CALCRL: variants seen among roughly 807,000 people sequenced by gnomAD.
The protein encoded by CALCRL is calcitonin receptor like receptor.
CALCRL carries 27 observed loss-of-function variants against 60.4 expected under a neutral mutation model. The ratio of observed to expected loss-of-function variants is 0.45; its 90% CI spans 0.33 to 0.62. The LOEUF is 0.62. Among genes scored for constraint, CALCRL ranks in the 20% least tolerant of loss-of-function variants. The pLI is 0.03. For synonymous variants in CALCRL, 190 were observed against 182.6 expected (o/e 1.04, Z -0.33); for missense variants, 424 against 540.7 (o/e 0.78, Z 2.14).
chr2:187,379,091 C>T, intron 7 of CALCRL, 60 bp from the exon 8 acceptor site: 1 of 791,084 alleles, frequency 1.3e-6, no homozygotes. Flanking sequence ...ATCTGTAATC[C>T]CACACATGCA....
intron 1 of CALCRL, among the ~76,000 whole-genome samples, chr2:187,439,349 C>T (rs1289160345): frequency 6.6e-6 from 1 of 151,652 alleles, no homozygotes; most frequent in Admixed American, 6.6e-5. Context: ...TGGGTGTGGT[C>T]ACGCTGAGGT....
intron 1 of CALCRL, among the ~76,000 whole-genome samples, chr2:187,396,198 GA>G (rs1688647127): frequency 2.0e-5 from 3 of 151,144 alleles, no homozygotes; most frequent in Admixed American, 2.0e-4. Flanking sequence ...AATAAATAAA[GA>G]AAAAAATCAC....
chr2:187,425,961 G>A (rs972022387), intron 1 of CALCRL, among the ~76,000 whole-genome samples: 3 of 151,708 alleles, frequency 2.0e-5, no homozygotes, highest in South Asian at 4.2e-4. Flanking sequence ...TCTTCACAGC[G>A]GTTGGAAATG....
chr2:187,444,748 A>G (rs957527763), intron 1 of CALCRL, among the ~76,000 whole-genome samples: 2 of 151,544 alleles, frequency 1.3e-5, no homozygotes, highest in Non-Finnish European at 3.0e-5. Flanking sequence ...GTCCTTAAAA[A>G]TTGAATACAT....
chr2:187,423,295 G>T (rs1277783332), intron 1 of CALCRL, among the ~76,000 whole-genome samples: 3 of 150,722 alleles, frequency 2.0e-5, no homozygotes, highest in Admixed American at 6.6e-5. Context: ...CATTTTCATT[G>T]CATAAATTTT....
chr2:187,417,797 G>A (rs1689681630), intron 1 of CALCRL, among the ~76,000 whole-genome samples: 1 of 151,978 alleles, frequency 6.6e-6, no homozygotes, highest in Non-Finnish European at 1.5e-5. Flanking sequence ...TTTAAATTTA[G>A]ATTTTGTGAT....
At position 187,346,236 on chromosome 2, in the gene CALCRL, CT is replaced by C; in HGVS notation, c.1333del (p.Ser445AlafsTer10). 6.2e-7 allele frequency: 1 copy of C among 1,611,598 alleles called. No individual in the cohort carries two copies. On this transcript the variant is annotated frameshift_variant, in exon 15 of 15. Transcript: ENST00000392370. LOFTEE classifies it high-confidence loss of function. Reference protein sequence around the residue: ...DCPSEHLNGKSIHDIENVLLK... With the variant: ...DCPSEHLNGKXIHDIENVLLK... ...GAGAACATTTTCAATATCATGGATGCTTTTTCCATTTAAGTGTTCACTAGGA... is the reference window on the plus strand; with the variant it reads ...GAGAACATTTTCAATATCATGGATGCTTTTCCATTTAAGTGTTCACTAGGA...
chr2:187,375,557 A>C (rs1341123084), intron 8 of CALCRL, among the ~76,000 whole-genome samples: 1 of 152,192 alleles, frequency 6.6e-6, no homozygotes, highest in African/African-American at 2.4e-5. Flanking sequence ...GTTTAAAAGC[A>C]TGGGCATTTT....
At chr2:187,350,419 T>C (rs967139435) in intron 14 of CALCRL, among the ~76,000 whole-genome samples, 4 of 149,784 alleles carry the variant, frequency 2.7e-5, no homozygotes, top group Non-Finnish European at 6.0e-5. Context: ...ATCTATTTTT[T>C]GTAACTGCAT....
intron 1 of CALCRL, among the ~76,000 whole-genome samples, chr2:187,417,954 C>T (rs1689689802): frequency 6.6e-6 from 1 of 152,142 alleles, no homozygotes; most frequent in Admixed American, 6.5e-5. Flanking sequence ...CAAGTGTTTA[C>T]TTCTTCATCA....
At chr2:187,433,921 CTAAGAAA>C (rs1441748756) in intron 1 of CALCRL, among the ~76,000 whole-genome samples, 1 of 151,890 alleles carries the variant, frequency 6.6e-6, no homozygotes. Context: ...GTTTTGACGC[CTAAGAAA>C]TAATTTTTTA....
At chr2:187,352,029 G>A in intron 13 of CALCRL, 68 bp from the exon 14 acceptor site, 1 of 1,521,776 alleles carries the variant, frequency 6.6e-7, no homozygotes, top group South Asian at 1.1e-5. Context: ...TCAAATAGCT[G>A]TACAAGTAGT....
intron 1 of CALCRL, among the ~76,000 whole-genome samples, chr2:187,435,197 G>A (rs563263343): frequency 6.6e-6 from 1 of 152,242 alleles, no homozygotes; most frequent in East Asian, 1.9e-4. Context: ...GTATAAGCAT[G>A]GCTCCAGCAT....
At chr2:187,373,344 C>T (rs991263016) in intron 8 of CALCRL, among the ~76,000 whole-genome samples, 6 of 152,082 alleles carry the variant, frequency 3.9e-5, no homozygotes, top group Non-Finnish European at 8.8e-5. Context: ...AATATTGATT[C>T]AAAAATTGAG....
At chr2:187,350,531 T>A (rs1686482361) in intron 14 of CALCRL, among the ~76,000 whole-genome samples, 3 of 151,288 alleles carry the variant, frequency 2.0e-5, no homozygotes, top group Admixed American at 6.6e-5. Flanking sequence ...TAGTCTACAA[T>A]GTGTGGCAAC....
At chr2:187,396,184 A>T (rs1159896758) in intron 1 of CALCRL, among the ~76,000 whole-genome samples, 3 of 95,896 alleles carry the variant, frequency 3.1e-5, no homozygotes, top group African/African-American at 1.0e-4. Context: ...GGCCAAAAAA[A>T]ATAAATAAAT....
chr2:187,427,265 T>C (rs905577218), intron 1 of CALCRL, among the ~76,000 whole-genome samples: 1 of 152,224 alleles, frequency 6.6e-6, no homozygotes, highest in Non-Finnish European at 1.5e-5. Flanking sequence ...AATTGATTTC[T>C]GTAAAAGAAG....
chr2:187,368,354 T>A (rs886405516), intron 8 of CALCRL, among the ~76,000 whole-genome samples: 5 of 152,064 alleles, frequency 3.3e-5, no homozygotes, highest in African/African-American at 9.7e-5. Flanking sequence ...TTCCTCTATA[T>A]TAAAATAAGT....
intron 8 of CALCRL, among the ~76,000 whole-genome samples, chr2:187,371,207 A>G (rs1687503035): frequency 6.6e-6 from 1 of 151,632 alleles, no homozygotes; most frequent in African/African-American, 2.4e-5. Flanking sequence ...GTGCCACTGC[A>G]CTCCAGCCTG....
Sources: allele counts gnomAD v4.1 joint callset (sites outside exome capture counted in the v4.1 genomes callset), GRCh38; gene constraint gnomAD v4.1.1; transcripts MANE v1.5; gene names NCBI Gene and HGNC (gene_info 2026-07-23, HGNC 2026-07-21).